The following PPFIA2 variants were observed in gnomAD, a reference collection of about 807,000 sequenced individuals.
PPFIA2 encodes the protein liprin-alpha-2.
A neutral mutation model predicts 175.5 loss-of-function variants in PPFIA2; 46 were observed. That is an observed-to-expected ratio of 0.26 (90% confidence interval 0.21 to 0.34). The LOEUF is 0.34. Among genes scored for constraint, PPFIA2 ranks in the 10% least tolerant of loss-of-function variants. The pLI, the probability that PPFIA2 is intolerant of heterozygous loss-of-function variation, is 1.00. For synonymous variants in PPFIA2, 568 were observed against 511.4 expected (o/e 1.11, Z -1.49); for missense variants, 1,179 against 1,506.1 (o/e 0.78, Z 3.60).
intron 7 of PPFIA2, among the ~76,000 whole-genome samples, chr12:81,413,061 C>T (rs776972139): frequency 7.9e-5 from 12 of 151,752 alleles, no homozygotes; most frequent in Non-Finnish European, 1.5e-4. Context: ...TACAGAATGC[C>T]TTAGTAATCT....
At chr12:81,695,724 G>C (rs1052304419) in intron 3 of PPFIA2, among the ~76,000 whole-genome samples, 2 of 152,032 alleles carry the variant, frequency 1.3e-5, no homozygotes, top group African/African-American at 2.4e-5. Flanking sequence ...AAAAACACCA[G>C]CCAAAAAATA....
chr12:81,666,257 T>C (rs28852672), intron 4 of PPFIA2, among the ~76,000 whole-genome samples: 2 of 152,128 alleles, frequency 1.3e-5, no homozygotes, highest in South Asian at 2.1e-4. Context: ...CATCCCATTA[T>C]TGGGTATATA....
chr12:81,676,916 A>T (rs2072631480), intron 3 of PPFIA2, 72 bp from the exon 4 acceptor site: 1 of 1,139,828 alleles, frequency 8.8e-7, no homozygotes, highest in Non-Finnish European at 1.2e-6. Context: ...CCCACAGTGT[A>T]ATAATTTATT....
chr12:81,524,754 T>C (rs900393184), intron 4 of PPFIA2, among the ~76,000 whole-genome samples: 1 of 152,204 alleles, frequency 6.6e-6, no homozygotes. Context: ...CATGCCTTTT[T>C]GGGGGATGGG....
chr12:81,547,754 G>GA (rs2067228489), intron 4 of PPFIA2, among the ~76,000 whole-genome samples: 2 of 152,070 alleles, frequency 1.3e-5, no homozygotes, highest in South Asian at 4.1e-4. Context: ...ATTTTAACCA[G>GA]AAAAATAGGA....
At chr12:81,740,852 A>G (rs1432144646) in intron 3 of PPFIA2, among the ~76,000 whole-genome samples, 1 of 152,220 alleles carries the variant, frequency 6.6e-6, no homozygotes, top group Non-Finnish European at 1.5e-5. Context: ...AGAATAATTC[A>G]AATATAAACT....
intron 4 of PPFIA2, among the ~76,000 whole-genome samples, chr12:81,653,107 A>T (rs2067258740): frequency 6.6e-6 from 1 of 152,040 alleles, no homozygotes; most frequent in African/African-American, 2.4e-5. Context: ...CTAGCCCTTT[A>T]CCAGATTCTT....
chr12:81,618,821 C>T lies in PPFIA2; in HGVS notation c.303+57970G>A, dbSNP rs544010802. ...TGCTGGGATTACAGGCGTGAGCCAC[C>T]GCGCCCGGCCCATGGCACTTCTATT... On this transcript the variant is annotated intron_variant, in intron 4 of 32. Coordinates refer to ENST00000549396, the MANE Select transcript of PPFIA2 (RefSeq NM_003625.5). 1.5e-3 allele frequency among the ~76,000 whole-genome samples: 233 copies of T among 152,236 alleles called. 2 individuals carry two copies. Among genetic ancestry groups the T allele is most frequent in the Admixed American group, 5.4e-3 (82 of 15,286 alleles).
At chr12:81,710,008 G>C (rs2077686181) in intron 3 of PPFIA2, among the ~76,000 whole-genome samples, 1 of 151,642 alleles carries the variant, frequency 6.6e-6, no homozygotes, top group African/African-American at 2.4e-5. Flanking sequence ...ATTCAATAGG[G>C]GATAATATAT....
intron 4 of PPFIA2, among the ~76,000 whole-genome samples, chr12:81,637,537 G>T (rs1178981337): frequency 1.3e-5 from 2 of 151,702 alleles, no homozygotes; most frequent in Non-Finnish European, 2.9e-5. Flanking sequence ...CCCTCACATG[G>T]AATCATTTCA....
At chr12:81,314,720 T>C (rs1373137718) in intron 22 of PPFIA2, among the ~76,000 whole-genome samples, 2 of 151,898 alleles carry the variant, frequency 1.3e-5, no homozygotes, top group African/African-American at 4.8e-5. Context: ...TAAGAAACAA[T>C]TCATTAAATG....
intron 4 of PPFIA2, among the ~76,000 whole-genome samples, chr12:81,467,510 GA>G (rs2055897648): frequency 6.6e-6 from 1 of 152,140 alleles, no homozygotes; most frequent in African/African-American, 2.4e-5. Flanking sequence ...GCAACACAGT[GA>G]AACCCTGTCT....
chr12:81,437,085 T>C, intron 7 of PPFIA2, among the ~76,000 whole-genome samples: 1 of 152,214 alleles, frequency 6.6e-6, no homozygotes, highest in East Asian at 1.9e-4. Flanking sequence ...CCACACTGCC[T>C]ATAGGAGATT....
intron 4 of PPFIA2, among the ~76,000 whole-genome samples, chr12:81,581,895 C>A (rs1005964618): frequency 1.3e-5 from 2 of 151,840 alleles, no homozygotes; most frequent in Admixed American, 1.3e-4. Flanking sequence ...GTATAAAATG[C>A]CTTCCAATAT....
At chr12:81,618,253 C>CTGTG (rs71669706) in intron 4 of PPFIA2, among the ~76,000 whole-genome samples, 3,814 of 148,670 alleles carry the variant, frequency 0.026, 124 homozygotes, top group East Asian at 0.14. Flanking sequence ...ATGTGTAAAT[C>CTGTG]TGTGTGTGTG....
At chr12:81,745,909 C>G (rs1427936550) in intron 3 of PPFIA2, among the ~76,000 whole-genome samples, 1 of 152,342 alleles carries the variant, frequency 6.6e-6, no homozygotes, top group East Asian at 1.9e-4. Context: ...GCTCTCATTT[C>G]TCATACATGG....
chr12:81,438,344 C>T (rs900989507), intron 7 of PPFIA2, among the ~76,000 whole-genome samples: 3 of 151,872 alleles, frequency 2.0e-5, no homozygotes, highest in Non-Finnish European at 2.9e-5. Flanking sequence ...GGCACATGCC[C>T]GTAATCCCAG....
At position 81,635,926 on chromosome 12, in the gene PPFIA2, A is replaced by T. The variant is rs537029086; in HGVS notation, c.303+40865T>A. Among the ~76,000 whole-genome samples, 646 of 151,808 alleles carry T rather than the reference A, an allele frequency of 4.3e-3. 3 individuals carry two copies. Among genetic ancestry groups the T allele is most frequent in the African/African-American group, 0.014 (581 of 41,518 alleles). On this transcript the variant is annotated intron_variant, in intron 4 of 32. Coordinates refer to ENST00000549396, the MANE Select transcript of PPFIA2 (RefSeq NM_003625.5). ...AAAATGCAATCTCTCTCTCTCACAC[A>T]CACACACACACACACACACGTGAAA... is the stretch of plus-strand genomic sequence containing the variant.
At chr12:81,582,540 A>G (rs983202090) in intron 4 of PPFIA2, among the ~76,000 whole-genome samples, 2 of 151,784 alleles carry the variant, frequency 1.3e-5, no homozygotes, top group African/African-American at 4.8e-5. Flanking sequence ...CCTTTCGTTT[A>G]GCTTATAAAA....
Sources: gnomAD v4.1 joint callset for allele counts (sites outside exome capture counted in the v4.1 genomes callset) on GRCh38, gnomAD v4.1.1 for gene constraint, MANE v1.5 for transcripts, NCBI Gene and HGNC (gene_info 2026-07-23, HGNC 2026-07-21) for gene names.